PDE1C: variants seen among roughly 807,000 people sequenced by gnomAD.
The protein encoded by PDE1C is dual specificity calcium/calmodulin-dependent 3',5'-cyclic nucleotide phosphodiesterase 1C.
A neutral mutation model predicts 93.1 loss-of-function variants in PDE1C; 62 were observed. That is an observed-to-expected ratio of 0.67 (90% CI 0.54 to 0.82). PDE1C has a LOEUF of 0.82. PDE1C is among the 40% of genes least tolerant of loss of function. PDE1C has a pLI of 0.00. For missense variants in PDE1C, 742 were observed against 884.6 expected (o/e 0.84, Z 2.04); for synonymous variants, 325 against 310.1 (o/e 1.05, Z -0.50).
intron 2 of PDE1C, among the ~76,000 whole-genome samples, chr7:32,005,278 C>T (rs780453683): frequency 6.6e-6 from 1 of 151,750 alleles, no homozygotes; most frequent in African/African-American, 2.4e-5. Flanking sequence ...AGATTCTGGC[C>T]GGGTGCGGTG....
chr7:31,622,811 A>C, the PDE1C span, among the ~76,000 whole-genome samples: 1 of 152,136 alleles, frequency 6.6e-6, no homozygotes, highest in Non-Finnish European at 1.5e-5. Flanking sequence ...AAATTAATGA[A>C]TCCAGGAGCT....
In PDE1C at chr7:32,104,130, G is replaced by A. The variant is rs185482659; in HGVS notation, c.308+65655C>T. ...GGAAATAAATTATCAGAGGAATAGT[G>A]CAGTAACATTTCCAAGAATAAGACA... is the stretch of plus-strand genomic sequence containing the variant. On this transcript the variant is annotated intron_variant, in intron 3 of 18. Coordinates refer to the PDE1C transcript ENST00000396193. Among the ~76,000 whole-genome samples, 18 of 152,294 alleles carry A rather than the reference G, an allele frequency of 1.2e-4. No homozygotes were observed. The East Asian group carries it at 3.3e-3, about 28-fold the overall frequency.
intron 3 of PDE1C, among the ~76,000 whole-genome samples, chr7:32,138,184 C>T (rs969320651): frequency 6.6e-6 from 1 of 151,844 alleles, no homozygotes; most frequent in Non-Finnish European, 1.5e-5. Context: ...AAACATGTGC[C>T]ATATATATTT....
chr7:32,225,022 T>TAAAAAAAA (rs58376421), intron 1 of PDE1C, among the ~76,000 whole-genome samples: 4 of 100,858 alleles, frequency 4.0e-5, no homozygotes, highest in Non-Finnish European at 9.9e-5. Flanking sequence ...CTTTCTTATT[T>TAAAAAAAA]AAAAAAAAAA....
At chr7:32,404,629 C>T (rs73307846) in intron 1 of PDE1C, among the ~76,000 whole-genome samples, 9,589 of 152,154 alleles carry the variant, frequency 0.063, 559 homozygotes, top group African/African-American at 0.16. Flanking sequence ...AGCCACTGTG[C>T]CCAGCCTAGT....
intron 1 of PDE1C, among the ~76,000 whole-genome samples, chr7:32,421,267 C>A (rs1371204745): frequency 6.6e-6 from 1 of 152,248 alleles, no homozygotes; most frequent in Non-Finnish European, 1.5e-5. Context: ...GGCCTCCCCG[C>A]GGCCTTCAGC....
downstream of PDE1C, among the ~76,000 whole-genome samples, chr7:31,749,877 A>G (rs1794085979): frequency 6.6e-6 from 1 of 151,600 alleles, no homozygotes; most frequent in African/African-American, 2.4e-5. Flanking sequence ...AGCTGAGACT[A>G]CAGGCACGTG....
intron 3 of PDE1C, among the ~76,000 whole-genome samples, chr7:32,163,190 A>C (rs1361556341): frequency 6.6e-6 from 1 of 152,198 alleles, no homozygotes; most frequent in African/African-American, 2.4e-5. Context: ...AATATGTGTG[A>C]CCAGACTTCC....
chr7:31,760,629 A>C (rs1010014896), intron 17 of PDE1C, among the ~76,000 whole-genome samples: 8 of 152,146 alleles, frequency 5.3e-5, no homozygotes, highest in Admixed American at 2.6e-4. Context: ...AGTAAATTCT[A>C]ATATTGGTAG....
At chr7:31,891,099 T>C (rs1354096409) in intron 2 of PDE1C, among the ~76,000 whole-genome samples, 2 of 152,316 alleles carry the variant, frequency 1.3e-5, no homozygotes, top group East Asian at 3.9e-4. Flanking sequence ...CTGTCCCACC[T>C]TGTGGCTCCT....
intron 2 of PDE1C, among the ~76,000 whole-genome samples, chr7:31,989,186 C>A (rs2129072700): frequency 6.6e-6 from 1 of 152,120 alleles, no homozygotes; most frequent in South Asian, 2.1e-4. Context: ...ATATTTTGGA[C>A]TTTACTTATA....
At chr7:32,032,559 G>C (rs17160814) in intron 2 of PDE1C, among the ~76,000 whole-genome samples, 6,400 of 152,244 alleles carry the variant, frequency 0.042, 159 homozygotes, top group Middle Eastern at 0.088. Context: ...AATGCAAAGA[G>C]AAAAGTGACT....
chr7:31,732,846 G>T, the PDE1C span, among the ~76,000 whole-genome samples: 9 of 152,062 alleles, frequency 5.9e-5, no homozygotes, highest in African/African-American at 2.2e-4. Context: ...AGTTGTCCTT[G>T]GATCTAATTC....
the PDE1C span, among the ~76,000 whole-genome samples, chr7:31,623,900 G>A: frequency 6.6e-6 from 1 of 151,606 alleles, no homozygotes; most frequent in African/African-American, 2.4e-5. Flanking sequence ...ATCTCCTTAA[G>A]CTGATAAGCA....
intron 3 of PDE1C, among the ~76,000 whole-genome samples, chr7:32,147,296 G>GAAAGAAAGAAAGAAAGAAAGAAA (rs1563352715): frequency 1.5e-4 from 21 of 137,478 alleles, no homozygotes; most frequent in Middle Eastern, 7.7e-3. Context: ...AAGAAAGAAA[G>GAAAGAAAGAAAGAAAGAAAGAAA]AAAGAAAGAA....
chr7:32,161,134 A>G (rs1801894912), intron 3 of PDE1C, among the ~76,000 whole-genome samples: 1 of 152,194 alleles, frequency 6.6e-6, no homozygotes, highest in African/African-American at 2.4e-5. Context: ...TCAATCAACA[A>G]ATACACCTGA....
chr7:32,312,393 T>G (rs1409476624), intron 1 of PDE1C, among the ~76,000 whole-genome samples: 1 of 151,872 alleles, frequency 6.6e-6, no homozygotes, highest in African/African-American at 2.4e-5. Context: ...TTCACAGAAT[T>G]GGAAAAAACT....
chr7:31,924,055 G>A (rs915900651), intron 2 of PDE1C, among the ~76,000 whole-genome samples: 8 of 152,120 alleles, frequency 5.3e-5, no homozygotes, highest in Non-Finnish European at 1.2e-4. Flanking sequence ...CTGATGTGAG[G>A]TTTCTATCAT....
chr7:31,694,091 T>C, the PDE1C span, among the ~76,000 whole-genome samples: 1 of 152,188 alleles, frequency 6.6e-6, no homozygotes, highest in Non-Finnish European at 1.5e-5. Context: ...AGTTAAAAGA[T>C]AAGGCACCTG....
Sources: allele counts gnomAD v4.1 joint callset (sites outside exome capture counted in the v4.1 genomes callset), GRCh38; gene constraint gnomAD v4.1.1; transcripts MANE v1.5; gene names NCBI Gene and HGNC (gene_info 2026-07-23, HGNC 2026-07-21).